TUBGCP6: variants seen among roughly 807,000 people sequenced by gnomAD.
TUBGCP6 encodes the protein tubulin gamma complex component 6.
Under a neutral mutation model 175.8 loss-of-function variants are expected in TUBGCP6, and 161 were observed. The observed-to-expected ratio is 0.92, with a 90% CI of 0.81 to 1.04. The LOEUF (loss-of-function observed/expected upper bound fraction) is 1.04, where lower values mean the gene tolerates loss of function less well. Ranked by LOEUF, TUBGCP6 falls within the 50% of genes least tolerant of loss-of-function variation. TUBGCP6 has a pLI of 0.00. For synonymous variants in TUBGCP6, 1,173 were observed against 1,030.5 expected (o/e 1.14, Z -2.65); for missense variants, 2,572 against 2,433.0 (o/e 1.06, Z -1.20).
rs750922398 is a variant in TUBGCP6 at position 50,222,460 on chromosome 22, G to A, written c.2403C>T (p.His801=). 2 of 1,613,718 alleles carry A rather than the reference G, an allele frequency of 1.2e-6. No individual in the cohort carries two copies. The highest frequency in any genetic ancestry group is 1.1e-5 in the South Asian group (1 of 91,084). ...TCTGAAGCCGCAGACATACCTGAAT[G>A]TGTTTCTCATCTTCTAAGAGAAAAC... is the stretch of plus-strand genomic sequence containing the variant. ...RLRFLLEDEK[H]IQEMLKAVSE... Residue 801 remains histidine, a synonymous_variant, in exon 14 of 25, where the codon CAC becomes CAT. Transcript: ENST00000248846.
rs1422261619 is a variant in TUBGCP6 at position 50,243,607 on chromosome 22, G to C, written c.741+112C>G. The C allele has an allele frequency of 2.1e-5, 21 of 1,005,554 alleles. No homozygotes were observed. The East Asian group carries it at 5.4e-4, about 26-fold the overall frequency. The allele number at this position is 1,005,554 out of a possible 1,614,324, so 62.3% of individuals were successfully genotyped here. On this transcript the variant is annotated intron_variant, in intron 1 of 24. Transcript: ENST00000248846. ...CACTCCAGCCTGGGTGACAGAGTGA[G>C]ACACTGTCTCAAAAAAAAAAAAAAA...
Position 50,225,869 on chromosome 22 carries a change from A to C in TUBGCP6, c.1908T>G (p.Ile636Met). The C allele has an allele frequency of 6.2e-7, 1 of 1,613,762 alleles. No individual in the cohort carries two copies. The highest frequency in any genetic ancestry group is 1.1e-5 in the South Asian group (1 of 91,068). The change falls in exon 10 of 25, where the codon ATT (isoleucine) becomes ATG (methionine). Residue 636 changes from isoleucine (I) to methionine (M), a missense_variant. Physicochemically the swap from Ile to Met is conservative, Grantham distance 10. Coordinates refer to ENST00000248846, the MANE Select transcript of TUBGCP6 (RefSeq NM_020461.4). ...CAACGTAGACGGCACAGTCCTTCTC[A>C]ATCTCCTTCAACTCCTCAAGGGAGA... ...VIFSLEELKE[I>M]EKDCAVYVGR...
chr22:50,237,001 C>A (rs901572771), intron 2 of TUBGCP6, among the ~76,000 whole-genome samples: 1 of 152,210 alleles, frequency 6.6e-6, no homozygotes, highest in African/African-American at 2.4e-5. Flanking sequence ...CCTGCAGGCT[C>A]TGGAGTGAAC....
rs1029892165 is a variant in TUBGCP6, at chr22:50,221,825, G to A, written c.2534C>T (p.Ser845Phe). 6.6e-7 allele frequency: 1 copy of A among 1,511,376 alleles called. No homozygotes were observed. Among genetic ancestry groups the A allele is most frequent in the Admixed American group, 2.3e-5 (1 of 44,444 alleles). The allele number at this position is 1,511,376 out of a possible 1,614,324, so 93.6% of individuals were successfully genotyped here. A position where few individuals can be genotyped will look rare whatever the true frequency, so the allele number is the denominator to read the frequency against. The change falls in exon 16 of 25, where the codon TCT becomes TTT. Residue 845 changes from serine (S) to phenylalanine (F), a missense_variant. Transcript: ENST00000248846. ...AGGCGAGTGTTGCTCTGCAGACCCA[G>A]AATCACAGCCTTGGCCTCCCTCTGG... ...EHPEGGQGCDSGSAEQHSPAW... is the reference protein window; with the variant it reads ...EHPEGGQGCDFGSAEQHSPAW...
At chr22:50,218,997 G>C in intron 20 of TUBGCP6, 71 bp downstream of exon 20, 2 of 1,596,866 alleles carry the variant, frequency 1.3e-6, no homozygotes, top group Non-Finnish European at 1.7e-6. Context: ...GGGGCTGTGG[G>C]CGTGCAGCCA....
intron 2 of TUBGCP6, among the ~76,000 whole-genome samples, chr22:50,234,307 GCAGCATCATCCACACCCCTGTCCA>G (rs1271405660): frequency 1.7e-4 from 15 of 88,644 alleles, no homozygotes; most frequent in Admixed American, 7.3e-4. Flanking sequence ...CCCACCCATG[GCAGCATCATCCACACCCCTGTCCA>G]CAGCAGCATC....
Position 50,218,171 on chromosome 22 carries a change from CCG to C in TUBGCP6, c.5168+16_5168+17del. ...CTGAGCCGTGACCACAGGGACGCAG[CCG>C]CTGCCCAGGCCTCACCTGAAGACGG... On this transcript the variant is annotated intron_variant, in intron 23 of 24. Transcript: ENST00000248846. 6.2e-7 allele frequency: 1 copy of C among 1,610,006 alleles called. No individual in the cohort carries two copies. The highest frequency in any genetic ancestry group is 8.5e-7 in the Non-Finnish European group (1 of 1,178,618).
intron 4 of TUBGCP6, among the ~76,000 whole-genome samples, chr22:50,228,487 T>G (rs2064647322): frequency 6.6e-6 from 1 of 152,168 alleles, no homozygotes; most frequent in Non-Finnish European, 1.5e-5. Flanking sequence ...ACCAGCATCC[T>G]GGGCAACGCC....
chr22:50,237,716 C>G (rs1303294756), intron 2 of TUBGCP6, among the ~76,000 whole-genome samples: 3 of 152,216 alleles, frequency 2.0e-5, no homozygotes, highest in Non-Finnish European at 4.4e-5. Context: ...CGGGCCCCAC[C>G]GTGCGGGAGC....
intron 1 of TUBGCP6, among the ~76,000 whole-genome samples, chr22:50,241,040 TACA>T (rs1377318239): frequency 4.6e-5 from 7 of 152,256 alleles, no homozygotes; most frequent in African/African-American, 1.7e-4. Context: ...GCTGTTCTAG[TACA>T]ATAAAATATA....
intron 22 of TUBGCP6, 31 bp from the exon 23 acceptor site, chr22:50,218,433 G>A (rs766707819): frequency 2.7e-5 from 43 of 1,612,782 alleles, no homozygotes; most frequent in Non-Finnish European, 3.0e-5. Context: ...GAGGGCAGAG[G>A]TGAGCGCAGC....
chr22:50,224,627 C>G, intron 10 of TUBGCP6, 35 bp from the exon 11 acceptor site: 1 of 1,608,466 alleles, frequency 6.2e-7, no homozygotes, highest in South Asian at 1.1e-5. Flanking sequence ...AGCATCCTGG[C>G]CGGGCGCAGT....
Position 50,220,934 on chromosome 22 carries a change from A to G in TUBGCP6, c.3425T>C (p.Ile1142Thr). The change falls in exon 16 of 25, where the codon ATC becomes ACC. Residue 1142 changes from isoleucine to threonine, a missense_variant. By Grantham distance (89) the Ile-to-Thr change is moderately conservative. Transcript: ENST00000248846. ...NTHGHVSNAS[I>T]RVGENVSDVA... ...GTCCGACACGTTCTCCCCAACCCTG[A>G]TGCTGGCGTTGGACACGTGCCCGTG... The G allele has an allele frequency of 6.2e-7, 1 of 1,606,276 alleles. No individual in the cohort carries two copies. Among genetic ancestry groups the G allele is most frequent in the African/African-American group, 1.4e-5 (1 of 73,992 alleles).
At chr22:50,225,221 C>T (rs546315650) in intron 10 of TUBGCP6, among the ~76,000 whole-genome samples, 8 of 152,236 alleles carry the variant, frequency 5.3e-5, no homozygotes, top group African/African-American at 1.7e-4. Flanking sequence ...GGGGCTTCCC[C>T]GCTCAGCCTC....
chr22:50,220,710 G>C lies in TUBGCP6; in HGVS notation c.3649C>G (p.His1217Asp), dbSNP rs2147177878. Reference sequence around the variant, plus strand: ...ACCCTGATGCTGGTGTCAGACACATGTCCGTGGGTGTTCCACCGTGGCCGG... The same window carrying C: ...ACCCTGATGCTGGTGTCAGACACATCTCCGTGGGTGTTCCACCGTGGCCGG... Reference protein sequence around the residue: ...PTRPRWNTHGHVSDTSIRVGE... With the variant: ...PTRPRWNTHGDVSDTSIRVGE... The change falls in exon 16 of 25, where the codon CAT (histidine) becomes GAT (aspartate). Residue 1217 changes from histidine (H) to aspartate (D), a missense_variant. Physicochemically the swap from His to Asp is moderately conservative, Grantham distance 81. Coordinates refer to ENST00000248846, the MANE Select transcript of TUBGCP6 (RefSeq NM_020461.4). 1.9e-6 allele frequency: 3 copies of C among 1,611,796 alleles called. No homozygotes were observed. The highest frequency in any genetic ancestry group is 2.5e-6 in the Non-Finnish European group (3 of 1,179,566).
chr22:50,244,628 GCTCTA>G lies in TUBGCP6; in HGVS notation c.-174_-170del. ...ATTTTTTAAAGGAGGTCTTGCGGTT[GCTCTA>G]CTCAGAGTAAACACGCCCTGCCCTC... On this transcript the variant is annotated 5_prime_UTR_variant, in exon 1 of 25. Coordinates refer to ENST00000248846, the MANE Select transcript of TUBGCP6 (RefSeq NM_020461.4). 1 of 1,197,994 alleles carries G rather than the reference GCTCTA, an allele frequency of 8.3e-7. No individual in the cohort carries two copies. The highest frequency in any genetic ancestry group is 1.1e-6 in the Non-Finnish European group (1 of 885,116). 74.2% of individuals were successfully genotyped at this position (1,197,994 alleles called of 1,614,324 possible).
chr22:50,224,646 C>T, intron 10 of TUBGCP6, 54 bp from the exon 11 acceptor site: 1 of 1,582,332 alleles, frequency 6.3e-7, no homozygotes. Context: ...GTGGCTCACG[C>T]CTGTAATCCT....
At chr22:50,242,676 C>A (rs1349932539) in intron 1 of TUBGCP6, among the ~76,000 whole-genome samples, 3 of 152,208 alleles carry the variant, frequency 2.0e-5, no homozygotes, top group Non-Finnish European at 4.4e-5. Context: ...CATGGTAAAG[C>A]CTCAGGCGAC....
At chr22:50,233,159 T>C (rs998214456) in intron 3 of TUBGCP6, among the ~76,000 whole-genome samples, 157 bp downstream of exon 3, 2 of 152,246 alleles carry the variant, frequency 1.3e-5, no homozygotes, top group Admixed American at 6.5e-5. Flanking sequence ...AATGGGATGA[T>C]GCTGGCTGTC....
Sources: gnomAD v4.1 joint callset for allele counts (sites outside exome capture counted in the v4.1 genomes callset) on GRCh38, gnomAD v4.1.1 for gene constraint, MANE v1.5 for transcripts, NCBI Gene and HGNC (gene_info 2026-07-23, HGNC 2026-07-21) for gene names.